The following ARHGEF9 variants were observed in gnomAD, a reference collection of about 807,000 sequenced individuals.
ARHGEF9 encodes Cdc42 guanine nucleotide exchange factor 9.
ARHGEF9 carries 2 observed loss-of-function variants against 41.3 expected under a neutral mutation model. That is an observed-to-expected ratio of 0.05 (90% CI 0.02 to 0.15). The LOEUF (loss-of-function observed/expected upper bound fraction) is 0.15. Ranked by LOEUF, ARHGEF9 falls within the 10% of genes least tolerant of loss-of-function variation. The probability of loss-of-function intolerance (pLI) is 1.00; values close to 1 mark genes in which losing one functional copy is unlikely to be tolerated. For synonymous variants in ARHGEF9, 160 were observed against 154.4 expected, an observed-to-expected ratio of 1.04 and a Z score of -0.27; for missense variants, 225 against 424.7, an observed-to-expected ratio of 0.53 and a Z score of 4.13.
intron 1 of ARHGEF9, among the ~76,000 whole-genome samples, chrX:63,743,746 A>C (rs192265011): frequency 4.5e-5 from 5 of 112,220 alleles, no homozygotes; most frequent in Admixed American, 1.9e-4. Context: ...TGATGGACTT[A>C]AGAAGGTGCT....
chrX:63,656,139 C>G (rs1304621927), intron 7 of ARHGEF9, among the ~76,000 whole-genome samples: 2 of 111,123 alleles, frequency 1.8e-5, no homozygotes, highest in Non-Finnish European at 3.8e-5. Flanking sequence ...CTGTGCAGGC[C>G]AGTGAGACCT....
chrX:63,702,685 A>G (rs1556397067), intron 3 of ARHGEF9, among the ~76,000 whole-genome samples: 1 of 111,837 alleles, frequency 8.9e-6, no homozygotes, highest in African/African-American at 3.3e-5. Flanking sequence ...CCCATAACCT[A>G]CAGAAAGAGT....
rs1326500613 is a variant in ARHGEF9, at chrX:63,635,558, A to G, written c.*2470T>C. On this transcript the variant is annotated 3_prime_UTR_variant, in exon 10 of 10. Transcript: ENST00000671741. ...TGGTCTGCTTTGATGCTATAGGCTG[A>G]GGGAATACTCCAACCAATGGGGAAA... 3.1e-5 allele frequency: 14 copies of G among 451,386 alleles called. No individual in the cohort carries two copies. The highest frequency in any genetic ancestry group is 2.7e-4 in the Admixed American group (6 of 22,498). 37.2% of individuals were successfully genotyped at this position (451,386 alleles called of 1,213,427 possible). A position where few individuals can be genotyped will look rare whatever the true frequency, so the allele number is the denominator to read the frequency against.
chrX:63,783,732 T>C (rs2056418660), intron 1 of ARHGEF9, among the ~76,000 whole-genome samples: 1 of 111,753 alleles, frequency 8.9e-6, no homozygotes, highest in African/African-American at 3.3e-5. Context: ...TCCAAGGAGT[T>C]TGTGGTCCTG....
chrX:63,778,570 C>A (rs782716423), intron 1 of ARHGEF9, among the ~76,000 whole-genome samples: 2 of 112,519 alleles, frequency 1.8e-5, no homozygotes, highest in Non-Finnish European at 3.8e-5. Context: ...GCCAGGGTTG[C>A]AAATTTTCCA....
chrX:63,671,522 G>A (rs1291255855), intron 6 of ARHGEF9: 1 of 112,522 alleles, frequency 8.9e-6, no homozygotes, highest in Admixed American at 9.4e-5. Flanking sequence ...GCTGTGAGAG[G>A]CAGAAGGTTG....
intron 2 of ARHGEF9, among the ~76,000 whole-genome samples, chrX:63,715,725 G>T (rs1333324830): frequency 1.8e-5 from 2 of 111,927 alleles, no homozygotes; most frequent in East Asian, 5.6e-4. Context: ...GCCTCTTCCT[G>T]ACCTCAGTTC....
chrX:63,703,107 C>T (rs1261467333), intron 3 of ARHGEF9: 1 of 112,439 alleles, frequency 8.9e-6, no homozygotes, highest in African/African-American at 3.2e-5. Context: ...GCTTTCTCCA[C>T]TTCCCTTTGA....
chrX:63,678,629 T>G (rs1266165674), intron 4 of ARHGEF9, 57 bp from the exon 5 acceptor site: 24 of 858,089 alleles, frequency 2.8e-5, no homozygotes, highest in Non-Finnish European at 3.7e-5. Context: ...AAAAGAAGTC[T>G]TGAAGTAATG....
At chrX:63,641,210 G>A (rs1369888882) in intron 9 of ARHGEF9, 1 of 109,662 alleles carries the variant, frequency 9.1e-6, no homozygotes, top group African/African-American at 3.3e-5. Context: ...ACATTAGTCG[G>A]GTGTGGTGGC....
intron 1 of ARHGEF9, among the ~76,000 whole-genome samples, chrX:63,750,843 A>T (rs1480627701): frequency 9.0e-6 from 1 of 111,421 alleles, no homozygotes; most frequent in Admixed American, 9.5e-5. Flanking sequence ...TAGGCTCTAC[A>T]TGTCTGCTGT....
At chrX:63,647,168 A>C (rs1164052858) in intron 8 of ARHGEF9, among the ~76,000 whole-genome samples, 3 of 111,625 alleles carry the variant, frequency 2.7e-5, no homozygotes, top group African/African-American at 9.8e-5. Flanking sequence ...TAATCATGTC[A>C]TCTGCAAACA....
At chrX:63,704,322 A>C (rs2052388668) in intron 3 of ARHGEF9, among the ~76,000 whole-genome samples, 2 of 112,884 alleles carry the variant, frequency 1.8e-5, no homozygotes, top group Non-Finnish European at 3.7e-5. Flanking sequence ...AATCTGATTC[A>C]GTAAGTCTGG....
intron 9 of ARHGEF9, chrX:63,642,412 G>A (rs374330235): frequency 8.9e-6 from 1 of 112,025 alleles, no homozygotes; most frequent in Non-Finnish European, 1.9e-5. Context: ...AAGGTTAGGA[G>A]TTAATTCCCC....
intron 3 of ARHGEF9, among the ~76,000 whole-genome samples, chrX:63,702,053 C>T (rs1351226764): frequency 1.8e-5 from 2 of 112,549 alleles, no homozygotes; most frequent in Admixed American, 1.9e-4. Context: ...AAACCTCAGG[C>T]TTAAAATATA....
chrX:63,755,197 C>T (rs1272252834), intron 1 of ARHGEF9: 58 of 937,356 alleles, frequency 6.2e-5, no homozygotes, highest in Non-Finnish European at 7.5e-5. Context: ...CGGCCAGAGC[C>T]ACTGACATAC....
chrX:63,635,178 C>A lies in ARHGEF9; in HGVS notation c.*2850G>T. On this transcript the variant is annotated 3_prime_UTR_variant, in exon 10 of 10. Transcript: ENST00000671741. ...TTGCCCATCCATCCACCCCAGCCCACCCCATCCCCAAAGCACTAAAAGATC... is the reference window on the plus strand; with the variant it reads ...TTGCCCATCCATCCACCCCAGCCCAACCCATCCCCAAAGCACTAAAAGATC... 3.1e-5 allele frequency: 10 copies of A among 317,518 alleles called. No individual in the cohort carries two copies. The highest frequency in any genetic ancestry group is 7.1e-5 in the East Asian group (1 of 13,997). The allele number at this position is 317,518 out of a possible 1,213,427, so 26.2% of individuals were successfully genotyped here.
intron 1 of ARHGEF9, among the ~76,000 whole-genome samples, chrX:63,745,612 C>T (rs1445757620): frequency 9.0e-6 from 1 of 111,589 alleles, no homozygotes; most frequent in Admixed American, 9.5e-5. Context: ...TCACTGCAAC[C>T]TTGGACCCAT....
intron 6 of ARHGEF9, chrX:63,671,319 A>T (rs1284906510): frequency 8.9e-6 from 1 of 112,030 alleles, no homozygotes; most frequent in African/African-American, 3.3e-5. Flanking sequence ...TTGGGCCACC[A>T]ATCCTAACCA....
Sources: allele counts gnomAD v4.1 joint callset (sites outside exome capture counted in the v4.1 genomes callset), GRCh38; gene constraint gnomAD v4.1.1; transcripts MANE v1.5; gene names NCBI Gene and HGNC (gene_info 2026-07-23, HGNC 2026-07-21).